Variants in XRCC4 observed in about 807,000 individuals in gnomAD.
XRCC4 encodes X-ray repair cross complementing 4.
XRCC4 carries 28 observed loss-of-function variants against 39.1 expected under a neutral mutation model. The observed-to-expected ratio is 0.72, with a 90% CI of 0.53 to 0.98. The LOEUF (loss-of-function observed/expected upper bound fraction) is 0.98, where lower values mean the gene tolerates loss of function less well. Among genes scored for constraint, XRCC4 ranks in the 50% least tolerant of loss-of-function variants. The pLI is 0.00. For synonymous variants in XRCC4, 123 were observed against 126.4 expected (o/e 0.97, Z 0.18); for missense variants, 350 against 376.4 (o/e 0.93, Z 0.58).
chr5:83,214,871 T>G (rs923605332), intron 6 of XRCC4, among the ~76,000 whole-genome samples: 2 of 147,546 alleles, frequency 1.4e-5, no homozygotes, highest in African/African-American at 5.0e-5. Context: ...AAATACAGAA[T>G]AAAGAAATTA....
downstream of XRCC4, chr5:83,356,606 T>G (rs1271592718): frequency 6.2e-6 from 2 of 322,022 alleles, no homozygotes; most frequent in Non-Finnish European, 1.2e-5. Context: ...GTGGAGAAAT[T>G]GAAGACGTGG....
chr5:83,167,761 A>G (rs1029492070), intron 3 of XRCC4, among the ~76,000 whole-genome samples: 1 of 152,192 alleles, frequency 6.6e-6, no homozygotes, highest in Non-Finnish European at 1.5e-5. Flanking sequence ...CAAATGCTAA[A>G]CTATTCAGAA....
At position 83,156,661 on chromosome 5, in the gene XRCC4, G is replaced by T. The variant is rs972903475; in HGVS notation, c.316-39109G>T. ...GAATATCTTTGAAGTGGCTTATATTGCCTTAAATAGTTCACTTGAGACTTT... is the reference window on the plus strand; with the variant it reads ...GAATATCTTTGAAGTGGCTTATATTTCCTTAAATAGTTCACTTGAGACTTT... On this transcript the variant is annotated intron_variant, in intron 3 of 7. Coordinates refer to ENST00000396027, the MANE Select transcript of XRCC4 (RefSeq NM_003401.5). Among the ~76,000 whole-genome samples, 7 of 152,010 alleles carry T rather than the reference G, an allele frequency of 4.6e-5. 1 individual carries two copies. The highest frequency in any genetic ancestry group is 3.9e-4 in the Admixed American group (6 of 15,246).
At chr5:83,354,800 T>G (rs1757171422), downstream of XRCC4, among the ~76,000 whole-genome samples, 1 of 152,140 alleles carries the variant, frequency 6.6e-6, no homozygotes, top group Admixed American at 6.5e-5. Flanking sequence ...CATCCTGTTA[T>G]TTTTACTTCC....
chr5:83,364,026 G>A, the XRCC4 span, among the ~76,000 whole-genome samples: 1 of 152,128 alleles, frequency 6.6e-6, no homozygotes, highest in Admixed American at 6.6e-5. Flanking sequence ...GGAGGTTTGA[G>A]GGGAGTGGGG....
chr5:83,229,214 T>G (rs1752400724), intron 6 of XRCC4, among the ~76,000 whole-genome samples: 1 of 152,054 alleles, frequency 6.6e-6, no homozygotes. Context: ...TGGTTTGTGA[T>G]ATGAACAACA....
At chr5:83,290,874 T>G (rs1754900659) in intron 7 of XRCC4, among the ~76,000 whole-genome samples, 1 of 151,918 alleles carries the variant, frequency 6.6e-6, no homozygotes, top group Non-Finnish European at 1.5e-5. Context: ...GGCATTATAA[T>G]GTGCCTTTAT....
Position 83,258,678 on chromosome 5 carries a change from G to A in XRCC4, c.893+1G>A, listed in dbSNP as rs377702888. ...AGAATCAGCTTCAAGAAAAGGAAAA[G>A]TAAGTCATTTTATTCTTTGCCAAGA... On this transcript the variant is annotated splice_donor_variant, in intron 7 of 7. Transcript: ENST00000396027. LOFTEE classifies it high-confidence loss of function. 11 of 1,609,464 alleles carry A rather than the reference G, an allele frequency of 6.8e-6. No individual in the cohort carries two copies. The highest frequency in any genetic ancestry group is 8.5e-7 in the Non-Finnish European group (1 of 1,178,352).
At chr5:83,251,010 C>T (rs1753287931) in intron 6 of XRCC4, among the ~76,000 whole-genome samples, 2 of 152,110 alleles carry the variant, frequency 1.3e-5, no homozygotes, top group Non-Finnish European at 2.9e-5. Flanking sequence ...TTCTGTCCTA[C>T]TTAATTATAA....
intron 3 of XRCC4, among the ~76,000 whole-genome samples, chr5:83,182,170 G>A (rs1750236581): frequency 6.6e-6 from 1 of 151,978 alleles, no homozygotes; most frequent in Non-Finnish European, 1.5e-5. Context: ...TAGTTGCTGT[G>A]GCCTGAAAGA....
intron 3 of XRCC4, among the ~76,000 whole-genome samples, chr5:83,171,714 C>T (rs1279855983): frequency 6.6e-6 from 1 of 152,162 alleles, no homozygotes; most frequent in Non-Finnish European, 1.5e-5. Flanking sequence ...GGCCAAATGC[C>T]TTAGCCTAGC....
chr5:83,175,231 A>G (rs1024562619), intron 3 of XRCC4, among the ~76,000 whole-genome samples: 1 of 152,196 alleles, frequency 6.6e-6, no homozygotes, highest in African/African-American at 2.4e-5. Flanking sequence ...AATGTTATTT[A>G]GTAGTAAATG....
chr5:83,277,171 C>T (rs189324166), intron 7 of XRCC4, among the ~76,000 whole-genome samples: 1 of 152,158 alleles, frequency 6.6e-6, no homozygotes, highest in South Asian at 2.1e-4. Flanking sequence ...ATATATGAAA[C>T]CATAATAGAG....
the XRCC4 span, among the ~76,000 whole-genome samples, chr5:83,373,562 A>T: frequency 6.6e-5 from 10 of 152,210 alleles, no homozygotes; most frequent in Non-Finnish European, 1.5e-4. Context: ...AAAAGATGGC[A>T]CACTGACCCA....
At chr5:83,241,232 G>C in intron 6 of XRCC4, among the ~76,000 whole-genome samples, 1 of 130,470 alleles carries the variant, frequency 7.7e-6, no homozygotes, top group Non-Finnish European at 1.6e-5. Context: ...AACAAAGTAA[G>C]ACTCTGTCAA....
chr5:83,373,035 C>T, the XRCC4 span, among the ~76,000 whole-genome samples: 5 of 152,070 alleles, frequency 3.3e-5, no homozygotes, highest in South Asian at 2.1e-4. Context: ...CCAGTTCTTT[C>T]GGATTCTGAG....
intron 6 of XRCC4, among the ~76,000 whole-genome samples, chr5:83,244,732 G>T (rs1753037821): frequency 1.3e-5 from 2 of 152,246 alleles, no homozygotes; most frequent in South Asian, 4.2e-4. Context: ...CTGTGCTGAG[G>T]TCTGGAAAGT....
At chr5:83,306,255 A>G (rs1489264840) in intron 7 of XRCC4, among the ~76,000 whole-genome samples, 1 of 152,194 alleles carries the variant, frequency 6.6e-6, no homozygotes, top group South Asian at 2.1e-4. Flanking sequence ...ATACATATTC[A>G]TGAAGATCAC....
intron 6 of XRCC4, among the ~76,000 whole-genome samples, chr5:83,255,319 T>A (rs994636081): frequency 6.6e-6 from 1 of 152,170 alleles, no homozygotes; most frequent in African/African-American, 2.4e-5. Context: ...GCTATTACAT[T>A]TATGTGAAAA....
Sources: gnomAD v4.1 joint callset for allele counts (sites outside exome capture counted in the v4.1 genomes callset) on GRCh38, gnomAD v4.1.1 for gene constraint, MANE v1.5 for transcripts, NCBI Gene and HGNC (gene_info 2026-07-23, HGNC 2026-07-21) for gene names.